DRC3: variants seen among roughly 807,000 people sequenced by gnomAD.
DRC3 encodes the protein dynein regulatory complex subunit 3, also known as leucine rich repeat containing 48.
Under a neutral mutation model 57.6 loss-of-function variants are expected in DRC3, and 45 were observed. That is an observed-to-expected ratio of 0.78 (90% confidence interval 0.62 to 1.00). The LOEUF is 1.00. DRC3 is among the 50% of genes least tolerant of loss of function. DRC3 has a pLI of 0.00. For synonymous variants in DRC3, 257 were observed against 272.3 expected (o/e 0.94, Z 0.55); for missense variants, 655 against 675.2 (o/e 0.97, Z 0.33).
At chr17:17,993,928 GCC>G in intron 6 of DRC3, 6 of 245,392 alleles carry the variant, frequency 2.4e-5, no homozygotes, top group South Asian at 4.7e-5. Context: ...GGGCCAGAAG[GCC>G]TGCTGAGGGC....
intron 9 of DRC3, among the ~76,000 whole-genome samples, chr17:17,998,319 G>A (rs1370580704): frequency 6.6e-6 from 1 of 152,218 alleles, no homozygotes; most frequent in Non-Finnish European, 1.5e-5. Flanking sequence ...GGGTGGTCAG[G>A]ACTCAGCCTA....
intron 3 of DRC3, among the ~76,000 whole-genome samples, chr17:17,979,438 C>CTA (rs1400531563): frequency 2.0e-5 from 3 of 152,332 alleles, no homozygotes; most frequent in African/African-American, 7.2e-5. Context: ...AGTAAGATGG[C>CTA]CACTGCTGTA....
chr17:18,006,783 G>C, intron 11 of DRC3: 1 of 514,632 alleles, frequency 1.9e-6, no homozygotes, highest in Non-Finnish European at 3.5e-6. Flanking sequence ...CAGAGGCCAG[G>C]AGCCTCCATG....
intron 3 of DRC3, among the ~76,000 whole-genome samples, chr17:17,979,132 A>G (rs934497533): frequency 4.6e-5 from 7 of 152,186 alleles, no homozygotes; most frequent in Non-Finnish European, 8.8e-5. Context: ...TAGGCAAGGG[A>G]GAGAGCTGCT....
At chr17:17,976,761 C>G (rs1379120124) in intron 2 of DRC3, among the ~76,000 whole-genome samples, 2 of 152,198 alleles carry the variant, frequency 1.3e-5, no homozygotes, top group Non-Finnish European at 2.9e-5. Flanking sequence ...AGGAAACTCT[C>G]ATGAGGCCTG....
At chr17:18,011,220 G>C (rs2044156581) in intron 12 of DRC3, 1 of 241,416 alleles carries the variant, frequency 4.1e-6, no homozygotes, top group African/African-American at 2.4e-5. Flanking sequence ...GCCTCCCAAA[G>C]TGCTGGGATT....
chr17:17,990,996 A>T (rs568267750), intron 5 of DRC3, among the ~76,000 whole-genome samples: 58 of 152,100 alleles, frequency 3.8e-4, no homozygotes, highest in African/African-American at 1.2e-3. Context: ...CATCTAAAAA[A>T]AATAATAATA....
chr17:17,988,987 C>T (rs2043097062), intron 5 of DRC3, among the ~76,000 whole-genome samples: 1 of 152,132 alleles, frequency 6.6e-6, no homozygotes, highest in South Asian at 2.1e-4. Flanking sequence ...ACCCTGCTGC[C>T]CAGGCTTTTG....
chr17:17,988,353 A>C (rs78667983), intron 5 of DRC3: 19,473 of 495,476 alleles, frequency 0.039, 427 homozygotes, highest in Non-Finnish European at 0.046. Context: ...TGTGTCTTGC[A>C]CTTATTTAAC....
At position 18,008,776 on chromosome 17, in the gene DRC3, A is replaced by G. The variant is rs2044068619; in HGVS notation, c.1326+1629A>G. Among the ~76,000 whole-genome samples, 1 of 152,218 alleles carries G rather than the reference A, an allele frequency of 6.6e-6. No individual in the cohort carries two copies. The highest frequency in any genetic ancestry group is 2.4e-5 in the African/African-American group (1 of 41,462). ...GAAGTAAGGCTGTCCCTGAGTGCCC[A>G]GTTTGGAATTCCCCAGACAGACCAT... On this transcript the variant is annotated intron_variant, in intron 12 of 13. Transcript: ENST00000399187. The surrounding 1 kb of genome is among the most constrained non-coding windows in gnomAD (Gnocchi z 4.3).
At chr17:17,989,240 A>C (rs889774325) in intron 5 of DRC3, among the ~76,000 whole-genome samples, 1 of 152,126 alleles carries the variant, frequency 6.6e-6, no homozygotes, top group Non-Finnish European at 1.5e-5. Flanking sequence ...GCCTGGCCGC[A>C]CGCATCGTTG....
intron 3 of DRC3, among the ~76,000 whole-genome samples, chr17:17,978,991 C>T (rs181179276): frequency 2.2e-4 from 34 of 152,226 alleles, no homozygotes; most frequent in African/African-American, 6.7e-4. Context: ...ATACTATTTG[C>T]TAAACGTAAT....
At position 18,010,946 on chromosome 17, in the gene DRC3, TTTTG is replaced by T. The variant is rs201338433; in HGVS notation, c.1326+3823_1326+3826del. 4.5e-3 allele frequency: 1,093 copies of T among 242,552 alleles called. 9 individuals carry two copies. The East Asian group carries it at 0.052, about 11-fold the overall frequency. 15.0% of individuals were successfully genotyped at this position (242,552 alleles called of 1,614,324 possible). A position where few individuals can be genotyped will look rare whatever the true frequency, so the allele number is the denominator to read the frequency against. ...GCCTCTCTCAAGGATGAGGTTTTTT[TTTTG>T]TTTGTTTGTTTGTTTGTTTGTTTTT... On this transcript the variant is annotated intron_variant, in intron 12 of 13. Transcript: ENST00000399187.
intron 9 of DRC3, among the ~76,000 whole-genome samples, chr17:18,000,741 CCT>C (rs1037521885): frequency 9.9e-5 from 15 of 152,172 alleles, no homozygotes; most frequent in African/African-American, 3.4e-4. Flanking sequence ...ATCTGTGCAC[CCT>C]GAGTATGCAT....
intron 12 of DRC3, 129 bp downstream of exon 12, chr17:18,007,276 C>A: frequency 9.2e-7 from 1 of 1,085,080 alleles, no homozygotes; most frequent in South Asian, 1.4e-5. Context: ...AAAGGGCACA[C>A]TAACCTGCTT....
chr17:17,973,197 T>G (rs1479409184), intron 1 of DRC3: 1 of 151,104 alleles, frequency 6.6e-6, no homozygotes, highest in Non-Finnish European at 1.5e-5. Context: ...AAAAAAATAC[T>G]AAGGAAGCAT....
intron 4 of DRC3, among the ~76,000 whole-genome samples, chr17:17,985,484 G>A (rs1044531145): frequency 6.6e-6 from 1 of 152,212 alleles, no homozygotes; most frequent in Non-Finnish European, 1.5e-5. Context: ...CAGAAGAGCT[G>A]GATCCCTGGG....
Position 18,016,611 on chromosome 17 carries a change from G to A in DRC3, c.1512G>A (p.Gln504=). ...RNRKRVKEIN[Q]YIDHMQSELD... is the part of the protein sequence containing the mutation. Reference sequence around the variant, plus strand: ...GCAAGCGCGTGAAGGAGATCAATCAGTACATCGACCACATGCAGAGCGAAC... The same window carrying A: ...GCAAGCGCGTGAAGGAGATCAATCAATACATCGACCACATGCAGAGCGAAC... The change falls in exon 14 of 14, where the codon CAG becomes CAA. Residue 504 remains glutamine (Q), a synonymous_variant. Transcript: ENST00000399187. 1 of 1,613,920 alleles carries A rather than the reference G, an allele frequency of 6.2e-7. No individual in the cohort carries two copies.
At chr17:17,995,134 G>A (rs746128692) in intron 8 of DRC3, 23 bp downstream of exon 8, 26 of 1,553,450 alleles carry the variant, frequency 1.7e-5, no homozygotes, top group South Asian at 5.6e-5. Flanking sequence ...GTTCATGGCT[G>A]TCTCAGAGCC....
Sources: allele counts gnomAD v4.1 joint callset (sites outside exome capture counted in the v4.1 genomes callset), GRCh38; gene constraint gnomAD v4.1.1; non-coding constraint Gnocchi (gnomAD v3.1); transcripts MANE v1.5; gene names NCBI Gene and HGNC (gene_info 2026-07-23, HGNC 2026-07-21).